Variants in CUX2 observed in about 807,000 individuals in gnomAD.
CUX2 encodes the protein cut like homeobox 2, also known as homeobox protein cut-like 2.
CUX2 carries 40 observed loss-of-function variants against 144.8 expected under a neutral mutation model. The observed-to-expected ratio is 0.28, with a 90% CI of 0.21 to 0.36. The LOEUF (loss-of-function observed/expected upper bound fraction) is 0.36. CUX2 is among the 10% of genes least tolerant of loss of function. CUX2 has a pLI of 1.00. For missense variants in CUX2, 1,615 were observed against 1,994.0 expected (o/e 0.81, Z 3.62); for synonymous variants, 827 against 875.6 (o/e 0.94, Z 0.98).
chr12:111,337,717 G>A (rs1030561237), intron 19 of CUX2, among the ~76,000 whole-genome samples: 2 of 152,296 alleles, frequency 1.3e-5, no homozygotes, highest in African/African-American at 4.8e-5. Flanking sequence ...GGATCTCCTA[G>A]GAGTAAAGAA....
intron 1 of CUX2, among the ~76,000 whole-genome samples, chr12:111,153,014 G>A (rs1161440609): frequency 6.6e-6 from 1 of 152,230 alleles, no homozygotes; most frequent in Non-Finnish European, 1.5e-5. Flanking sequence ...GCAAAACAGT[G>A]GTGGAGATGG....
chr12:111,167,087 C>T (rs1042738452), intron 1 of CUX2, among the ~76,000 whole-genome samples: 1 of 152,180 alleles, frequency 6.6e-6, no homozygotes, highest in Non-Finnish European at 1.5e-5. Context: ...TCACAAGAAG[C>T]TCACAGTCTC....
intron 19 of CUX2, among the ~76,000 whole-genome samples, chr12:111,338,048 A>G (rs1380358113): frequency 1.3e-5 from 2 of 152,070 alleles, no homozygotes; most frequent in Non-Finnish European, 2.9e-5. Context: ...AAAGAAAAAA[A>G]AAAAAAGCTC....
At position 111,186,776 on chromosome 12, in the gene CUX2, G is replaced by A. The variant is rs2339713; in HGVS notation, c.64-27424G>A. Among the ~76,000 whole-genome samples the A allele has an allele frequency of 0.027, 3,867 of 143,286 alleles. 174 individuals are homozygous for A. The highest frequency in any genetic ancestry group is 0.1 in the African/African-American group (3,640 of 36,224). The allele number at this position is 143,286 out of a possible 152,430, so 94.0% of individuals were successfully genotyped here. A position where few individuals can be genotyped will look rare whatever the true frequency, so the allele number is the denominator to read the frequency against. ...GCAGGTATTAAAATCGATATGATGT[G>A]TGTATGTTTTTTTTTTTTTTGAGAC... On this transcript the variant is annotated intron_variant, in intron 1 of 21. Transcript: ENST00000261726. The surrounding 1 kb of genome is among the most constrained non-coding windows in gnomAD (Gnocchi z 4.4).
intron 4 of CUX2, among the ~76,000 whole-genome samples, chr12:111,264,897 AGTCGATTGTTG>A (rs755514392): frequency 1.3e-5 from 2 of 151,736 alleles, no homozygotes; most frequent in African/African-American, 2.4e-5. Flanking sequence ...CGTAGATAAG[AGTCGATTGTTG>A]GTTGCCCGGG....
intron 1 of CUX2, among the ~76,000 whole-genome samples, chr12:111,141,227 A>AACACACACACACACACACACACAC (rs111451932): frequency 5.2e-4 from 76 of 147,442 alleles, no homozygotes; most frequent in African/African-American, 1.7e-3. Context: ...GGCTTAGGTC[A>AACACACACACACACACACACACAC]ACACACACAC....
intron 18 of CUX2, among the ~76,000 whole-genome samples, chr12:111,332,643 A>G (rs918722683): frequency 6.6e-6 from 1 of 152,112 alleles, no homozygotes; most frequent in Non-Finnish European, 1.5e-5. Context: ...CTTCTAATTT[A>G]CAGAAAAATT....
chr12:111,228,672 C>T (rs184915573), intron 3 of CUX2, among the ~76,000 whole-genome samples: 1 of 152,184 alleles, frequency 6.6e-6, no homozygotes, highest in East Asian at 1.9e-4. Context: ...GATCCACTTG[C>T]CTCGGCCTCC....
intron 1 of CUX2, chr12:111,099,714 G>A (rs898067365): frequency 8.1e-5 from 37 of 456,456 alleles, no homozygotes; most frequent in African/African-American, 6.8e-4. Context: ...TCACCTATTG[G>A]GTTTATTGGG....
At chr12:111,098,896 G>T (rs1873011260) in intron 1 of CUX2, among the ~76,000 whole-genome samples, 1 of 152,204 alleles carries the variant, frequency 6.6e-6, no homozygotes, top group South Asian at 2.1e-4. Context: ...GGGGAAAGGG[G>T]GAGCACCGCA....
chr12:111,253,487 C>G (rs1161571443), intron 3 of CUX2, among the ~76,000 whole-genome samples: 1 of 152,198 alleles, frequency 6.6e-6, no homozygotes, highest in Non-Finnish European at 1.5e-5. Context: ...TCCTGTGGCC[C>G]CACATGCCCT....
intron 4 of CUX2, among the ~76,000 whole-genome samples, chr12:111,283,520 C>T (rs1043836125): frequency 1.1e-4 from 16 of 152,214 alleles, no homozygotes; most frequent in African/African-American, 3.6e-4. Flanking sequence ...GGCACTGAAG[C>T]GGGAGCTCGG....
At chr12:111,313,228 A>ATTTT (rs1336966730) in intron 16 of CUX2, among the ~76,000 whole-genome samples, 25 of 140,612 alleles carry the variant, frequency 1.8e-4, no homozygotes, top group East Asian at 4.3e-4. Flanking sequence ...CACCTGGCTA[A>ATTTT]TTTTTTTTTT....
chr12:111,039,431 A>G lies in CUX2; in HGVS notation c.63+5191A>G, dbSNP rs920105538. 1.3e-5 allele frequency among the ~76,000 whole-genome samples: 2 copies of G among 152,168 alleles called. No homozygotes were observed. The highest frequency in any genetic ancestry group is 2.9e-5 in the Non-Finnish European group (2 of 68,026). On this transcript the variant is annotated intron_variant, in intron 1 of 21. Transcript: ENST00000261726. The surrounding 1 kb of genome is among the most constrained non-coding windows in gnomAD (Gnocchi z 4.2). ...TCCTGGGTGAATCATCCCACATCCC[A>G]AGTCTCCTGCTTCTTAACCCTTGAA... is the stretch of plus-strand genomic sequence containing the variant.
intron 1 of CUX2, among the ~76,000 whole-genome samples, chr12:111,104,106 C>G (rs1464322049): frequency 6.6e-6 from 1 of 152,228 alleles, no homozygotes; most frequent in Non-Finnish European, 1.5e-5. Context: ...AAAGCCTCCT[C>G]TCTTTCTGTC....
chr12:111,338,147 T>C, intron 19 of CUX2, 139 bp from the exon 20 acceptor site: 1 of 874,478 alleles, frequency 1.1e-6, no homozygotes, highest in Non-Finnish European at 1.7e-6. Flanking sequence ...TCCTCCGCCG[T>C]CTCTGGCCCT....
At chr12:111,285,456 G>T (rs557928216) in intron 4 of CUX2, among the ~76,000 whole-genome samples, 3 of 152,124 alleles carry the variant, frequency 2.0e-5, no homozygotes, top group African/African-American at 4.8e-5. Flanking sequence ...AAGGTCTAAC[G>T]GCCGAGCCAT....
chr12:111,214,174 T>TCTC, intron 1 of CUX2, 26 bp from the exon 2 acceptor site: 1 of 148,088 alleles, frequency 6.8e-6, no homozygotes, highest in Non-Finnish European at 1.1e-5. Flanking sequence ...TCTCTCTCTC[T>TCTC]TTTTTTTTTT....
intron 1 of CUX2, among the ~76,000 whole-genome samples, chr12:111,094,088 C>T (rs879702038): frequency 2.0e-5 from 3 of 152,312 alleles, no homozygotes; most frequent in Admixed American, 2.0e-4. Context: ...ATTTGACGGA[C>T]AGGGGACAGT....
Sources: allele counts gnomAD v4.1 joint callset (sites outside exome capture counted in the v4.1 genomes callset), GRCh38; gene constraint gnomAD v4.1.1; non-coding constraint Gnocchi (gnomAD v3.1); transcripts MANE v1.5; gene names NCBI Gene and HGNC (gene_info 2026-07-23, HGNC 2026-07-21).